RSL24D1: variants seen among roughly 807,000 people sequenced by gnomAD.
The protein encoded by RSL24D1 is probable ribosome biogenesis protein RLP24.
In RSL24D1, 6 loss-of-function variants were observed where a neutral mutation model predicts 26.2. The ratio of observed to expected loss-of-function variants is 0.23; its 90% CI spans 0.13 to 0.45. The LOEUF (loss-of-function observed/expected upper bound fraction) is 0.45. RSL24D1 is among the 20% of genes least tolerant of loss of function. The probability of loss-of-function intolerance (pLI) is 0.99; values close to 1 mark genes in which losing one functional copy is unlikely to be tolerated. For missense variants in RSL24D1, 176 were observed against 202.6 expected, an observed-to-expected ratio of 0.87 and a Z score of 0.80; for synonymous variants, 61 against 59.1, an observed-to-expected ratio of 1.03 and a Z score of -0.15.
intron 5 of RSL24D1, 42 bp downstream of exon 5, chr15:55,183,273 T>G (rs1894189324): frequency 6.7e-7 from 1 of 1,496,770 alleles, no homozygotes; most frequent in African/African-American, 1.4e-5. Context: ...GGTACCCAAA[T>G]ACACAGACCA....
At chr15:55,184,563 A>G (rs367739289) in intron 4 of RSL24D1, among the ~76,000 whole-genome samples, 1 of 152,238 alleles carries the variant, frequency 6.6e-6, no homozygotes, top group South Asian at 2.1e-4. Context: ...GATTCAGGCA[A>G]GACTCTAATG....
chr15:55,192,413 ACTG>A (rs1256798714), intron 2 of RSL24D1: 2 of 225,412 alleles, frequency 8.9e-6, no homozygotes, highest in African/African-American at 4.6e-5. Flanking sequence ...CTGAGCCTTG[ACTG>A]CTGTTCAGAA....
chr15:55,182,296 T>C, intron 5 of RSL24D1, 71 bp from the exon 6 acceptor site: 1 of 942,566 alleles, frequency 1.1e-6, no homozygotes, highest in East Asian at 2.5e-5. Flanking sequence ...ACCAACACTT[T>C]ATAAAGGATC....
chr15:55,182,459 G>T (rs1299978211), intron 5 of RSL24D1, among the ~76,000 whole-genome samples: 2 of 152,016 alleles, frequency 1.3e-5, no homozygotes, highest in African/African-American at 4.8e-5. Flanking sequence ...TTAAATATGA[G>T]AAAACTGAGG....
chr15:55,195,896 A>G (rs1894350100), intron 1 of RSL24D1, among the ~76,000 whole-genome samples: 1 of 152,212 alleles, frequency 6.6e-6, no homozygotes. Flanking sequence ...TAATATACAG[A>G]TTCTTAGACC....
chr15:55,185,830 G>C (rs1025133037), intron 3 of RSL24D1, among the ~76,000 whole-genome samples: 1 of 152,080 alleles, frequency 6.6e-6, no homozygotes, highest in African/African-American at 2.4e-5. Flanking sequence ...CTGGGATATG[G>C]TCAGCACATG....
Position 55,182,101 on chromosome 15 carries a change from T to C in RSL24D1, c.*51A>G, listed in dbSNP as rs1894173701. ...AATAAAATAATTTAGCAGTTCCAAG[T>C]ATCCAAAGGGCATTTTCAAATGTAC... is the stretch of plus-strand genomic sequence containing the variant. On this transcript the variant is annotated 3_prime_UTR_variant, in exon 6 of 6. Transcript: ENST00000260443. 6 of 1,098,590 alleles carry C rather than the reference T, an allele frequency of 5.5e-6. No homozygotes were observed. The highest frequency in any genetic ancestry group is 6.9e-6 in the Non-Finnish European group (5 of 727,670). 68.1% of individuals were successfully genotyped at this position (1,098,590 alleles called of 1,614,324 possible). A position where few individuals can be genotyped will look rare whatever the true frequency, so the allele number is the denominator to read the frequency against.
At chr15:55,196,240 T>C in intron 1 of RSL24D1, 1 of 433,536 alleles carries the variant, frequency 2.3e-6, no homozygotes, top group South Asian at 1.6e-5. Context: ...CTCAAAATGT[T>C]CACTTTCCTT....
At chr15:55,182,600 G>A (rs1444418416) in intron 5 of RSL24D1, among the ~76,000 whole-genome samples, 5 of 152,070 alleles carry the variant, frequency 3.3e-5, no homozygotes. Flanking sequence ...ACCTCAAAGA[G>A]GATTACCTAA....
intron 1 of RSL24D1, chr15:55,196,373 ACT>A: frequency 4.4e-6 from 2 of 459,170 alleles, no homozygotes; most frequent in South Asian, 1.5e-5. Context: ...TTAATACATA[ACT>A]CTACCATTAA....
chr15:55,194,848 TC>T (rs1894337233), intron 1 of RSL24D1, among the ~76,000 whole-genome samples: 2 of 150,376 alleles, frequency 1.3e-5, no homozygotes, highest in Non-Finnish European at 3.0e-5. Context: ...AATGTTAATC[TC>T]CCCGTCTCTA....
rs575345269 is a variant in RSL24D1 at position 55,184,008 on chromosome 15, C to T, written c.333-608G>A. ...TCTCTGTTATATAATTTTTAAAAAA[C>T]CATTGGGTAATTACAAGAGCACAAA... On this transcript the variant is annotated intron_variant, in intron 4 of 5. Coordinates refer to ENST00000260443, the MANE Select transcript of RSL24D1 (RefSeq NM_016304.3). 4.6e-5 allele frequency among the ~76,000 whole-genome samples: 7 copies of T among 152,276 alleles called. No homozygotes were observed. In the East Asian group the frequency reaches 1.4e-3, roughly 29 times the overall value.
Position 55,185,438 on chromosome 15 carries a change from T to G in RSL24D1, c.269-13A>C. On this transcript the variant is annotated splice_polypyrimidine_tract_variant and intron_variant, in intron 3 of 5. Coordinates refer to ENST00000260443, the MANE Select transcript of RSL24D1 (RefSeq NM_016304.3). ...TTCATCGCATCAACTACAAAAAAAT[T>G]CATGAGTTAGCAAATGTATGCACAT... 6.2e-7 allele frequency: 1 copy of G among 1,600,308 alleles called. No homozygotes were observed. Among genetic ancestry groups the G allele is most frequent in the Non-Finnish European group, 8.5e-7 (1 of 1,174,530 alleles).
Position 55,182,038 on chromosome 15 carries a change from CTT to C in RSL24D1, c.*112_*113del. The stretch of plus-strand genomic sequence containing the variant: ...GTAGATGGCAATGCAGGAAAGATGT[CTT>C]TTAATCGCTTTTCATTTAAGTGACC... On this transcript the variant is annotated 3_prime_UTR_variant, in exon 6 of 6. Coordinates refer to ENST00000260443, the MANE Select transcript of RSL24D1 (RefSeq NM_016304.3). The C allele has an allele frequency of 1.5e-6, 1 of 650,082 alleles. No homozygotes were observed. The highest frequency in any genetic ancestry group is 2.7e-5 in the Admixed American group (1 of 36,876). 40.3% of individuals were successfully genotyped at this position (650,082 alleles called of 1,614,324 possible). A position where few individuals can be genotyped will look rare whatever the true frequency, so the allele number is the denominator to read the frequency against.
Position 55,185,400 on chromosome 15 carries a change from T to C in RSL24D1, c.294A>G (p.Glu98=), listed in dbSNP as rs371062419. The part of the protein sequence containing the change: ...KTIDAMKRVE[E]IKQKRQAKFI... Reference sequence around the variant, plus strand: ...ATTTAGCTTGGCGCTTCTGTTTGATTTCTTCAACTCTCTTCATCGCATCAA... The same window carrying C: ...ATTTAGCTTGGCGCTTCTGTTTGATCTCTTCAACTCTCTTCATCGCATCAA... The change falls in exon 4 of 6, where the codon GAA becomes GAG. Residue 98 remains glutamate (E), a synonymous_variant. Transcript: ENST00000260443. The C allele has an allele frequency of 1.2e-6, 2 of 1,609,060 alleles. No homozygotes were observed. The highest frequency in any genetic ancestry group is 4.5e-5 in the East Asian group (2 of 44,568).
Position 55,185,323 on chromosome 15 carries a change from A to C in RSL24D1, c.332+39T>G, listed in dbSNP as rs377429771. On this transcript the variant is annotated intron_variant, in intron 4 of 5. Transcript: ENST00000260443. Reference sequence around the variant, plus strand: ...CTAATGCCTCTAAATATCTACTAGTAATTATTTTCCAAAAGTTACTCCATA... The same window carrying C: ...CTAATGCCTCTAAATATCTACTAGTCATTATTTTCCAAAAGTTACTCCATA... 4 of 1,479,170 alleles carry C rather than the reference A, an allele frequency of 2.7e-6. No individual in the cohort carries two copies. In the African/African-American group the frequency reaches 5.8e-5, roughly 21 times the overall value. The allele number at this position is 1,479,170 out of a possible 1,614,324, so 91.6% of individuals were successfully genotyped here. A position where few individuals can be genotyped will look rare whatever the true frequency, so the allele number is the denominator to read the frequency against.
At chr15:55,194,149 T>A (rs1256854751) in intron 1 of RSL24D1, 1 of 152,126 alleles carries the variant, frequency 6.6e-6, no homozygotes, top group Non-Finnish European at 1.5e-5. Context: ...CTAATAGGTA[T>A]TACCTGAAAG....
At chr15:55,193,241 A>G (rs1260031693) in intron 1 of RSL24D1, among the ~76,000 whole-genome samples, 1 of 152,198 alleles carries the variant, frequency 6.6e-6, no homozygotes, top group Admixed American at 6.5e-5. Context: ...CCTTGTTGAA[A>G]GCACAAAATA....
intron 3 of RSL24D1, among the ~76,000 whole-genome samples, chr15:55,189,493 C>T (rs1160341977): frequency 6.6e-6 from 1 of 152,172 alleles, no homozygotes; most frequent in Non-Finnish European, 1.5e-5. Flanking sequence ...CAAATCTAAA[C>T]TCCAGTTTCT....
Sources: allele counts gnomAD v4.1 joint callset (sites outside exome capture counted in the v4.1 genomes callset), GRCh38; gene constraint gnomAD v4.1.1; transcripts MANE v1.5; gene names NCBI Gene and HGNC (gene_info 2026-07-23, HGNC 2026-07-21).